The following KATNA1 variants were observed in gnomAD, a reference collection of about 807,000 sequenced individuals.
KATNA1 encodes katanin p60 ATPase-containing subunit A1.
A neutral mutation model predicts 62.6 loss-of-function variants in KATNA1; 42 were observed. That is an observed-to-expected ratio of 0.67 (90% CI 0.52 to 0.87). The LOEUF (loss-of-function observed/expected upper bound fraction) is 0.87. Among genes scored for constraint, KATNA1 ranks in the 40% least tolerant of loss-of-function variants. The pLI is 0.00. For synonymous variants in KATNA1, 186 were observed against 201.9 expected (o/e 0.92, Z 0.67); for missense variants, 498 against 612.5 (o/e 0.81, Z 1.97).
At chr6:149,627,167 T>TG (rs1412768207) in intron 3 of KATNA1, among the ~76,000 whole-genome samples, 1 of 150,700 alleles carries the variant, frequency 6.6e-6, no homozygotes, top group Non-Finnish European at 1.5e-5. Flanking sequence ...CTGAGGCAGG[T>TG]GGATCATTTG....
At chr6:149,612,877 C>T (rs1370353041) in intron 4 of KATNA1, among the ~76,000 whole-genome samples, 1 of 151,940 alleles carries the variant, frequency 6.6e-6, no homozygotes, top group African/African-American at 2.4e-5. Flanking sequence ...GCAACAAACG[C>T]AGAAAAGCAT....
chr6:149,644,183 T>C (rs559328310), intron 1 of KATNA1, among the ~76,000 whole-genome samples: 17 of 152,146 alleles, frequency 1.1e-4, no homozygotes, highest in South Asian at 4.2e-4. Context: ...AAAAGTATAA[T>C]TGGGACCCGC....
intron 6 of KATNA1, among the ~76,000 whole-genome samples, chr6:149,602,864 G>A (rs1449283253): frequency 6.6e-6 from 1 of 152,004 alleles, no homozygotes; most frequent in Non-Finnish European, 1.5e-5. Context: ...TGGGATTACA[G>A]GCACGCACAA....
At chr6:149,623,370 A>C in intron 3 of KATNA1, 87 bp from the exon 4 acceptor site, 1 of 911,252 alleles carries the variant, frequency 1.1e-6, no homozygotes, top group Non-Finnish European at 1.6e-6. Flanking sequence ...TCTATGAACT[A>C]AAGAAGCCAA....
intron 2 of KATNA1, among the ~76,000 whole-genome samples, chr6:149,637,865 T>G (rs1780130363): frequency 6.6e-6 from 1 of 152,174 alleles, no homozygotes; most frequent in Non-Finnish European, 1.5e-5. Flanking sequence ...CAATTAGAAT[T>G]AAGTAGAACT....
intron 3 of KATNA1, among the ~76,000 whole-genome samples, chr6:149,629,473 T>C (rs570759745): frequency 2.0e-5 from 3 of 152,258 alleles, no homozygotes; most frequent in African/African-American, 7.2e-5. Flanking sequence ...GAAACAAATG[T>C]ATGTTGTTTA....
intron 7 of KATNA1, 63 bp from the exon 8 acceptor site, chr6:149,598,413 C>T: frequency 1.3e-6 from 2 of 1,539,412 alleles, no homozygotes; most frequent in East Asian, 4.5e-5. Context: ...AAATAATCTA[C>T]AGATTAGCAA....
Position 149,601,588 on chromosome 6 carries a change from A to ATTCACCAT in KATNA1, c.886_888+5dup. The ATTCACCAT allele has an allele frequency of 6.3e-7, 1 of 1,599,024 alleles. No homozygotes were observed. Among genetic ancestry groups the ATTCACCAT allele is most frequent in the Middle Eastern group, 1.7e-4 (1 of 5,994 alleles). On this transcript the variant is annotated splice_donor_region_variant and intron_variant, in intron 7 of 10. Transcript: ENST00000367411. ...AAGAATCATTAGAGCTGTCTCAAAC[A>ATTCACCAT]TTCACCATTTCAAACAGAAGACGAA...
At chr6:149,605,305 A>G (rs1778696605) in intron 4 of KATNA1, among the ~76,000 whole-genome samples, 1 of 152,246 alleles carries the variant, frequency 6.6e-6, no homozygotes, top group African/African-American at 2.4e-5. Context: ...CATGCAAATG[A>G]ACTGGCTAGC....
chr6:149,611,299 T>TA (rs1027119911), intron 4 of KATNA1, among the ~76,000 whole-genome samples: 1 of 151,302 alleles, frequency 6.6e-6, no homozygotes, highest in African/African-American at 2.4e-5. Context: ...CTGTCTCTAC[T>TA]AAAAATACAA....
chr6:149,626,420 G>C (rs1430269619), intron 3 of KATNA1, among the ~76,000 whole-genome samples: 1 of 141,714 alleles, frequency 7.1e-6, no homozygotes, highest in Non-Finnish European at 1.5e-5. Flanking sequence ...TCAGCCTCCC[G>C]AGTAGCTGGG....
intron 5 of KATNA1, 116 bp downstream of exon 5, chr6:149,604,545 C>T (rs1471694051): frequency 8.3e-6 from 9 of 1,079,062 alleles, no homozygotes; most frequent in Middle Eastern, 2.0e-4. Flanking sequence ...GCTCACGCTG[C>T]ACATACTCCG....
In KATNA1 at chr6:149,609,770, T is replaced by G. The variant is rs1202897008; in HGVS notation, c.502-4988A>C. On this transcript the variant is annotated intron_variant, in intron 4 of 10. Transcript: ENST00000367411. ...GTAAGCTGAGATCGTGCCACTGCAC[T>G]TCAGCCTGGGCGACAGAGCTAGACT... Among the ~76,000 whole-genome samples, 12 of 129,328 alleles carry G rather than the reference T, an allele frequency of 9.3e-5. No homozygotes were observed. In the Middle Eastern group the frequency reaches 0.016, roughly 178 times the overall value. The allele number at this position is 129,328 out of a possible 152,430, so 84.8% of individuals were successfully genotyped here. A position where few individuals can be genotyped will look rare whatever the true frequency, so the allele number is the denominator to read the frequency against.
At chr6:149,614,010 A>C (rs1779069456) in intron 4 of KATNA1, among the ~76,000 whole-genome samples, 1 of 152,194 alleles carries the variant, frequency 6.6e-6, no homozygotes, top group Non-Finnish European at 1.5e-5. Context: ...TGAACATGCC[A>C]GCACCCTGAT....
intron 4 of KATNA1, among the ~76,000 whole-genome samples, chr6:149,613,179 C>CA (rs71270309): frequency 0.018 from 228 of 12,572 alleles, 46 homozygotes; most frequent in Non-Finnish European, 0.046. Flanking sequence ...GACTCTGTCT[C>CA]AAAAAAAAAA....
At position 149,632,955 on chromosome 6, in the gene KATNA1, A is replaced by C. The variant is rs751372981; in HGVS notation, c.163-39T>G. 7.9e-6 allele frequency: 12 copies of C among 1,514,636 alleles called. No individual in the cohort carries two copies. The Admixed American group carries it at 2.6e-4, about 33-fold the overall frequency. The allele number at this position is 1,514,636 out of a possible 1,614,324, so 93.8% of individuals were successfully genotyped here. ...AGAAGATGGATGTTTAAATTTCTATAATATATCACTGTCAAAATTAAATGA... is the reference window on the plus strand; with the variant it reads ...AGAAGATGGATGTTTAAATTTCTATCATATATCACTGTCAAAATTAAATGA... On this transcript the variant is annotated intron_variant, in intron 2 of 10. Coordinates refer to ENST00000367411, the MANE Select transcript of KATNA1 (RefSeq NM_007044.4).
At chr6:149,622,516 G>C (rs183688104) in intron 4 of KATNA1, among the ~76,000 whole-genome samples, 20 of 152,208 alleles carry the variant, frequency 1.3e-4, no homozygotes, top group Admixed American at 8.5e-4. Flanking sequence ...ACTAGGTAAA[G>C]TATATATGGA....
chr6:149,632,611 T>C (rs1311329054), intron 3 of KATNA1, 148 bp downstream of exon 3: 1 of 599,952 alleles, frequency 1.7e-6, no homozygotes, highest in African/African-American at 1.9e-5. Context: ...GGCACAAGGT[T>C]CAAGACCAGT....
At chr6:149,627,041 G>A (rs1779640290) in intron 3 of KATNA1, among the ~76,000 whole-genome samples, 1 of 151,776 alleles carries the variant, frequency 6.6e-6, no homozygotes. Context: ...TTACATACGT[G>A]TGTGTGTATA....
Sources: allele counts gnomAD v4.1 joint callset (sites outside exome capture counted in the v4.1 genomes callset), GRCh38; gene constraint gnomAD v4.1.1; transcripts MANE v1.5; gene names NCBI Gene and HGNC (gene_info 2026-07-23, HGNC 2026-07-21).